Variants in TPRG1 observed in about 807,000 individuals in gnomAD.
The protein encoded by TPRG1 is tumor protein p63-regulated gene 1 protein.
In TPRG1, 29 loss-of-function variants were observed where a neutral mutation model predicts 29.3. The ratio of observed to expected loss-of-function variants is 0.99; its 90% confidence interval spans 0.74 to 1.35. The LOEUF (loss-of-function observed/expected upper bound fraction) is 1.35, where lower values mean the gene tolerates loss of function less well. Among genes scored for constraint, TPRG1 ranks in the 40% most tolerant of loss-of-function variants. The probability of loss-of-function intolerance (pLI) is 0.00; values close to 1 mark genes in which losing one functional copy is unlikely to be tolerated. For synonymous variants in TPRG1, 130 were observed against 116.8 expected (o/e 1.11, Z -0.73); for missense variants, 327 against 335.0 (o/e 0.98, Z 0.19).
chr3:189,217,209 C>A (rs146539757), intron 3 of TPRG1, among the ~76,000 whole-genome samples: 232 of 152,278 alleles, frequency 1.5e-3, no homozygotes, highest in African/African-American at 5.3e-3. Flanking sequence ...CTTGATTTAA[C>A]ATCAACTACA....
intron 3 of TPRG1, among the ~76,000 whole-genome samples, chr3:189,137,155 T>A (rs753953567): frequency 6.6e-6 from 1 of 152,180 alleles, no homozygotes; most frequent in Non-Finnish European, 1.5e-5. Flanking sequence ...TGCTTTGCAA[T>A]CATTGGGAAA....
intron 1 of TPRG1, among the ~76,000 whole-genome samples, chr3:189,196,891 C>T (rs1225071084): frequency 6.6e-6 from 1 of 152,160 alleles, no homozygotes; most frequent in East Asian, 1.9e-4. Context: ...TAGATGAATA[C>T]TTTCCATGAA....
intron 4 of TPRG1, among the ~76,000 whole-genome samples, chr3:189,265,659 G>A (rs1713933163): frequency 6.6e-6 from 1 of 152,152 alleles, no homozygotes; most frequent in Admixed American, 6.6e-5. Context: ...GAATAAATGG[G>A]ACTGCTTAAA....
chr3:189,040,125 G>A (rs997990470), intron 4 of TPRG1, among the ~76,000 whole-genome samples: 6 of 152,062 alleles, frequency 3.9e-5, no homozygotes, highest in Admixed American at 3.9e-4. Flanking sequence ...GACCTAGCTT[G>A]CCTCCACTAA....
intron 4 of TPRG1, among the ~76,000 whole-genome samples, chr3:189,086,074 G>A (rs1717915003): frequency 6.6e-6 from 1 of 152,110 alleles, no homozygotes; most frequent in African/African-American, 2.4e-5. Context: ...TCAAAAGCAG[G>A]GAAGCCGACA....
intron 5 of TPRG1, among the ~76,000 whole-genome samples, chr3:189,320,084 C>A (rs1724132701): frequency 6.6e-6 from 1 of 152,062 alleles, no homozygotes. Context: ...TAGAATTTAT[C>A]ACCTTCAAAA....
At position 189,158,331 on chromosome 3, in the gene TPRG1, G is replaced by A. The variant is rs1050101150; in HGVS notation, c.-10+7459G>A. 3.3e-5 allele frequency among the ~76,000 whole-genome samples: 5 copies of A among 152,112 alleles called. No homozygotes were observed. In the East Asian group the frequency reaches 9.6e-4, roughly 29 times the overall value. On this transcript the variant is annotated intron_variant, in intron 5 of 6. Transcript: ENST00000412373. ...CATTTTAAAAACTTGCAGTGGGGCTGGGCGCGGTGGCTCACACCTGTAATA... is the reference window on the plus strand; with the variant it reads ...CATTTTAAAAACTTGCAGTGGGGCTAGGCGCGGTGGCTCACACCTGTAATA...
chr3:189,024,420 CA>C (rs1713546451), intron 4 of TPRG1, among the ~76,000 whole-genome samples: 1 of 151,726 alleles, frequency 6.6e-6, no homozygotes, highest in East Asian at 2.0e-4. Flanking sequence ...CACTCTATCC[CA>C]GGGGGAAATC....
chr3:189,034,572 T>G (rs887427493), intron 4 of TPRG1, among the ~76,000 whole-genome samples: 1 of 151,948 alleles, frequency 6.6e-6, no homozygotes, highest in Non-Finnish European at 1.5e-5. Context: ...TAAAGGCAAA[T>G]GAATAGCTGA....
chr3:189,248,087 C>T (rs556589020), intron 4 of TPRG1, among the ~76,000 whole-genome samples: 38 of 151,754 alleles, frequency 2.5e-4, no homozygotes, highest in Admixed American at 1.9e-3. Context: ...TTATTTGTTA[C>T]TTAGAAGTTT....
chr3:189,322,921 G>A lies in TPRG1; in HGVS notation c.*2101G>A, dbSNP rs1025611558. 36 of 152,072 alleles carry A rather than the reference G, an allele frequency of 2.4e-4. No homozygotes were observed. The highest frequency in any genetic ancestry group is 8.5e-4 in the African/African-American group (35 of 41,418). 9.4% of individuals were successfully genotyped at this position (152,072 alleles called of 1,614,324 possible). A position where few individuals can be genotyped will look rare whatever the true frequency, so the allele number is the denominator to read the frequency against. On this transcript the variant is annotated 3_prime_UTR_variant, in exon 6 of 6. Transcript: ENST00000345063. ...TTGCATAAAGAGTGAACTCAGAGAC[G>A]ACAAGAGGGTCTTTATGAATTCCCT...
At chr3:189,012,727 G>T (rs1712669805) in intron 3 of TPRG1, among the ~76,000 whole-genome samples, 1 of 152,036 alleles carries the variant, frequency 6.6e-6, no homozygotes, top group Non-Finnish European at 1.5e-5. Flanking sequence ...TCTTGGGAGG[G>T]TGTATATGTC....
chr3:189,142,113 A>C (rs1236752888), intron 3 of TPRG1, among the ~76,000 whole-genome samples: 2 of 152,214 alleles, frequency 1.3e-5, no homozygotes, highest in Non-Finnish European at 2.9e-5. Context: ...AGGAAGACTT[A>C]GAATGTGCAG....
chr3:189,311,956 T>G (rs1430813512), intron 5 of TPRG1, among the ~76,000 whole-genome samples: 2 of 152,136 alleles, frequency 1.3e-5, no homozygotes, highest in Non-Finnish European at 2.9e-5. Context: ...TGCCGTGAAC[T>G]TCAAATGCAA....
intron 4 of TPRG1, among the ~76,000 whole-genome samples, chr3:189,064,338 CT>C (rs1191038295): frequency 6.6e-6 from 1 of 152,046 alleles, no homozygotes. Flanking sequence ...TTCCCAAGAA[CT>C]GTTTAAGGCC....
At chr3:189,137,295 AATGTGTGT>A (rs1233269256) in intron 3 of TPRG1, among the ~76,000 whole-genome samples, 1 of 105,018 alleles carries the variant, frequency 9.5e-6, no homozygotes, top group African/African-American at 3.5e-5. Context: ...AAAACCCCAA[AATGTGTGT>A]GTGTGTGTGT....
At chr3:189,185,225 T>C (rs1484402480) in intron 1 of TPRG1, among the ~76,000 whole-genome samples, 2 of 151,382 alleles carry the variant, frequency 1.3e-5, no homozygotes, top group Non-Finnish European at 3.0e-5. Flanking sequence ...TGGGTAATCT[T>C]TTTTTTTTGA....
At position 189,155,208 on chromosome 3, in the gene TPRG1, G is replaced by T. The variant is rs202008845; in HGVS notation, c.-10+4336G>T. 5.3e-5 allele frequency among the ~76,000 whole-genome samples: 8 copies of T among 152,294 alleles called. No individual in the cohort carries two copies. The East Asian group carries it at 1.2e-3, about 22-fold the overall frequency. On this transcript the variant is annotated intron_variant, in intron 5 of 6. Coordinates refer to the TPRG1 transcript ENST00000412373. The stretch of plus-strand genomic sequence containing the variant: ...AGCCCATAAAATGTTTTGAGGAAGG[G>T]ATTGACATTATTGGAATTACATTTC...
chr3:189,100,620 C>T (rs1338348796), intron 1 of TPRG1, among the ~76,000 whole-genome samples: 1 of 151,982 alleles, frequency 6.6e-6, no homozygotes, highest in Admixed American at 6.5e-5. Flanking sequence ...CTGTAATGAC[C>T]CTGAAAAGTA....
Sources: allele counts gnomAD v4.1 joint callset (sites outside exome capture counted in the v4.1 genomes callset), GRCh38; gene constraint gnomAD v4.1.1; transcripts MANE v1.5; gene names NCBI Gene and HGNC (gene_info 2026-07-23, HGNC 2026-07-21).